The following ADAMTSL1 variants were observed in gnomAD, a reference collection of about 807,000 sequenced individuals.
ADAMTSL1 encodes ADAMTS like 1, also known as ADAMTS-like protein 1.
Under a neutral mutation model 201.8 loss-of-function variants are expected in ADAMTSL1, and 126 were observed. The observed-to-expected ratio is 0.62, with a 90% CI of 0.54 to 0.72. The LOEUF is 0.72. ADAMTSL1 is among the 30% of genes least tolerant of loss of function. The probability of loss-of-function intolerance (pLI) is 0.00; values close to 1 mark genes in which losing one functional copy is unlikely to be tolerated. For missense variants in ADAMTSL1, 2,679 were observed against 2,277.8 expected (o/e 1.18, Z -3.59); for synonymous variants, 1,121 against 903.4 (o/e 1.24, Z -4.32).
Position 18,638,734 on chromosome 9 carries a change from G to A in ADAMTSL1, c.677-520G>A, listed in dbSNP as rs1370025354. Among the ~76,000 whole-genome samples the A allele has an allele frequency of 5.9e-5, 9 of 152,124 alleles. No individual in the cohort carries two copies. In the South Asian group the frequency reaches 6.2e-4, roughly 11 times the overall value. On this transcript the variant is annotated intron_variant, in intron 6 of 28. Transcript: ENST00000380548. ...TAGTTCTTGTTCTTACATCACTATC[G>A]TTTCTTCATTTTGAGCAATAGCATC... is the stretch of plus-strand genomic sequence containing the variant.
chr9:18,213,280 A>T (rs1829945525), intron 2 of ADAMTSL1, among the ~76,000 whole-genome samples: 2 of 152,218 alleles, frequency 1.3e-5, no homozygotes, highest in African/African-American at 4.8e-5. Context: ...TATTCAGGGA[A>T]AACATATTTG....
At chr9:18,538,500 T>C (rs1367390944) in intron 3 of ADAMTSL1, among the ~76,000 whole-genome samples, 1 of 152,118 alleles carries the variant, frequency 6.6e-6, no homozygotes, top group Non-Finnish European at 1.5e-5. Flanking sequence ...ATATCTGGGC[T>C]ATACTAGATT....
chr9:18,085,874 G>A lies in ADAMTSL1; in HGVS notation c.88-77988G>A, dbSNP rs557829690. Among the ~76,000 whole-genome samples, 96 of 152,012 alleles carry A rather than the reference G, an allele frequency of 6.3e-4. 1 individual carries two copies. The highest frequency in any genetic ancestry group is 6.8e-3 in the Middle Eastern group (2 of 294). On this transcript the variant is annotated intron_variant, in intron 1 of 29. Transcript: ENST00000680146. ...GAGAAGTGACTATAGCAGGAACAAG[G>A]ATAGGAACTATTTATCTAATGTAGC... is the stretch of plus-strand genomic sequence containing the variant.
chr9:18,235,079 A>G (rs532375596), intron 2 of ADAMTSL1, among the ~76,000 whole-genome samples: 19 of 151,914 alleles, frequency 1.3e-4, no homozygotes, highest in African/African-American at 4.3e-4. Flanking sequence ...TTCTGATTTC[A>G]TTTCTCTTTC....
intron 4 of ADAMTSL1, among the ~76,000 whole-genome samples, chr9:18,601,488 G>C (rs140062339): frequency 2.4e-3 from 368 of 152,308 alleles, no homozygotes; most frequent in African/African-American, 8.6e-3. Context: ...CCAGGGAAGA[G>C]AGTCTGGCCT....
chr9:18,028,033 C>A (rs373477484), intron 1 of ADAMTSL1, among the ~76,000 whole-genome samples: 1 of 152,100 alleles, frequency 6.6e-6, no homozygotes, highest in South Asian at 2.1e-4. Flanking sequence ...GAATAGTGAC[C>A]TCTGCTCTCT....
chr9:18,758,100 G>A (rs974550621), intron 16 of ADAMTSL1, among the ~76,000 whole-genome samples: 5 of 152,136 alleles, frequency 3.3e-5, no homozygotes, highest in East Asian at 1.9e-4. Context: ...ACACTCATTC[G>A]CTGCACTTGG....
chr9:18,765,411 A>G (rs1056934254), intron 16 of ADAMTSL1, among the ~76,000 whole-genome samples: 1 of 147,802 alleles, frequency 6.8e-6, no homozygotes, highest in African/African-American at 2.4e-5. Flanking sequence ...TGTCGTTTTG[A>G]GGTTTAGGAG....
At chr9:18,517,121 A>T (rs1818404753) in intron 2 of ADAMTSL1, among the ~76,000 whole-genome samples, 1 of 152,176 alleles carries the variant, frequency 6.6e-6, no homozygotes, top group Non-Finnish European at 1.5e-5. Context: ...TTTTATTCTC[A>T]TTCTTTGCCT....
chr9:18,191,737 A>G (rs553303848), intron 2 of ADAMTSL1, among the ~76,000 whole-genome samples: 1 of 152,296 alleles, frequency 6.6e-6, no homozygotes, highest in East Asian at 1.9e-4. Flanking sequence ...TAATTGTGGT[A>G]ACTGGCATCA....
rs1197721223 is a variant in ADAMTSL1 at position 18,291,739 on chromosome 9, TCTCTCTCTCACACACACA to T, written c.207+127760_207+127777del. On this transcript the variant is annotated intron_variant, in intron 2 of 29. Transcript: ENST00000680146. Reference sequence around the variant, plus strand: ...CTTTCTCTCTCTCTCTCTCTCTCTCTCTCTCTCTCACACACACACACACACACACACACACACACATCC... The same window carrying T: ...CTTTCTCTCTCTCTCTCTCTCTCTCTCACACACACACACACACACACATCC... Among the ~76,000 whole-genome samples, 117 of 123,544 alleles carry T rather than the reference TCTCTCTCTCACACACACA, an allele frequency of 9.5e-4. 1 individual carries two copies. The highest frequency in any genetic ancestry group is 1.3e-3 in the African/African-American group (43 of 32,638). 81.0% of individuals were successfully genotyped at this position (123,544 alleles called of 152,430 possible). A position where few individuals can be genotyped will look rare whatever the true frequency, so the allele number is the denominator to read the frequency against.
chr9:18,530,240 G>C (rs1326269752), intron 2 of ADAMTSL1, among the ~76,000 whole-genome samples: 2 of 152,114 alleles, frequency 1.3e-5, no homozygotes, highest in East Asian at 1.9e-4. Context: ...AAGAGAGCAA[G>C]AGGTTTATGC....
intron 23 of ADAMTSL1, among the ~76,000 whole-genome samples, chr9:18,849,565 G>A (rs1325898684): frequency 6.6e-6 from 1 of 152,196 alleles, no homozygotes; most frequent in Non-Finnish European, 1.5e-5. Flanking sequence ...CCACCCAACA[G>A]GTGGCAAGGA....
intron 2 of ADAMTSL1, among the ~76,000 whole-genome samples, chr9:18,248,157 C>T (rs1168163051): frequency 1.3e-5 from 2 of 152,114 alleles, no homozygotes; most frequent in African/African-American, 4.8e-5. Context: ...TTGCTAGATG[C>T]CATAATTTCA....
chr9:18,781,783 A>G (rs10811030), intron 19 of ADAMTSL1, among the ~76,000 whole-genome samples: 19,281 of 152,256 alleles, frequency 0.13, 1,589 homozygotes, highest in Admixed American at 0.24. Flanking sequence ...GGACTTTGCA[A>G]TTTGTTAAAG....
chr9:18,879,090 C>T (rs184129506), intron 23 of ADAMTSL1, among the ~76,000 whole-genome samples: 3 of 152,292 alleles, frequency 2.0e-5, no homozygotes, highest in African/African-American at 7.2e-5. Context: ...TTCCGTTTCA[C>T]TATATGTCAA....
In ADAMTSL1 at chr9:18,119,362, G is replaced by A. The variant is rs577586681; in HGVS notation, c.88-44500G>A. ...GGCTGGAGTAGAGTGGCGTGATCTC[G>A]GCTTACTGCAAACTCCGCCTCCCAG... On this transcript the variant is annotated intron_variant, in intron 1 of 29. Transcript: ENST00000680146. Among the ~76,000 whole-genome samples the A allele has an allele frequency of 9.2e-5, 14 of 151,862 alleles. No individual in the cohort carries two copies. In the South Asian group the frequency reaches 1.9e-3, roughly 20 times the overall value.
At chr9:18,767,307 G>A (rs950989242) in intron 16 of ADAMTSL1, among the ~76,000 whole-genome samples, 1 of 152,188 alleles carries the variant, frequency 6.6e-6, no homozygotes, top group African/African-American at 2.4e-5. Context: ...ATTACAGTAA[G>A]TTCATGGAAG....
chr9:18,800,183 C>T (rs1822695366), intron 20 of ADAMTSL1, among the ~76,000 whole-genome samples: 1 of 151,938 alleles, frequency 6.6e-6, no homozygotes, highest in Admixed American at 6.6e-5. Flanking sequence ...TTGAGACCAG[C>T]CTGGCCAACA....
Sources: gnomAD v4.1 joint callset for allele counts (sites outside exome capture counted in the v4.1 genomes callset) on GRCh38, gnomAD v4.1.1 for gene constraint, MANE v1.5 for transcripts, NCBI Gene and HGNC (gene_info 2026-07-23, HGNC 2026-07-21) for gene names.